KAT7: variants seen among roughly 807,000 people sequenced by gnomAD.
KAT7 encodes the protein lysine acetyltransferase 7.
In KAT7, 10 loss-of-function variants were observed where a neutral mutation model predicts 82.1. The observed-to-expected ratio is 0.12, with a 90% CI of 0.08 to 0.21. The LOEUF (loss-of-function observed/expected upper bound fraction) is 0.21, where lower values mean the gene tolerates loss of function less well. KAT7 is among the 10% of genes least tolerant of loss of function. KAT7 has a pLI of 1.00. For synonymous variants in KAT7, 250 were observed against 262.5 expected, an observed-to-expected ratio of 0.95 and a Z score of 0.46; for missense variants, 378 against 760.9, an observed-to-expected ratio of 0.50 and a Z score of 5.92.
At chr17:49,819,570 G>A (rs2074276663) in intron 9 of KAT7, among the ~76,000 whole-genome samples, 1 of 152,124 alleles carries the variant, frequency 6.6e-6, no homozygotes, top group Non-Finnish European at 1.5e-5. Flanking sequence ...GTAATAGAAG[G>A]AGAAAACAAA....
intron 9 of KAT7, among the ~76,000 whole-genome samples, chr17:49,818,946 C>T (rs2074268335): frequency 6.6e-6 from 1 of 152,128 alleles, no homozygotes; most frequent in African/African-American, 2.4e-5. Flanking sequence ...ACCATATTGA[C>T]CAGGATGGTC....
At chr17:49,810,298 C>A (rs572142611) in intron 6 of KAT7, among the ~76,000 whole-genome samples, 1 of 151,920 alleles carries the variant, frequency 6.6e-6, no homozygotes, top group South Asian at 2.1e-4. Flanking sequence ...CTCTTTTTGC[C>A]CCGGCTGGAG....
At chr17:49,792,136 T>C (rs2073898241) in intron 2 of KAT7, 103 bp downstream of exon 2, 2 of 1,079,074 alleles carry the variant, frequency 1.9e-6, no homozygotes. Context: ...TGGCTTGGTG[T>C]AGATGACAGT....
intron 7 of KAT7, among the ~76,000 whole-genome samples, chr17:49,813,383 A>AT (rs1156713804): frequency 1.3e-5 from 2 of 151,476 alleles, no homozygotes; most frequent in Non-Finnish European, 2.9e-5. Flanking sequence ...GCTCTTTTAG[A>AT]TTTTTTTCTG....
chr17:49,826,904 G>T, intron 14 of KAT7, 105 bp downstream of exon 14: 2 of 679,054 alleles, frequency 2.9e-6, no homozygotes, highest in South Asian at 3.6e-5. Context: ...AAGGAGTTGG[G>T]CTACACGCCC....
intron 2 of KAT7, 79 bp downstream of exon 2, chr17:49,792,112 G>A: frequency 7.8e-6 from 11 of 1,418,678 alleles, no homozygotes; most frequent in Non-Finnish European, 1.1e-5. Flanking sequence ...TAGTTAATGT[G>A]GAAACTGGCC....
intron 8 of KAT7, among the ~76,000 whole-genome samples, chr17:49,816,210 G>A (rs1246150020): frequency 2.0e-5 from 3 of 152,026 alleles, no homozygotes; most frequent in African/African-American, 7.3e-5. Flanking sequence ...GTCTCAGCTG[G>A]GCAATTTGCA....
At chr17:49,805,772 T>G (rs2143901913) in intron 5 of KAT7, among the ~76,000 whole-genome samples, 1 of 152,338 alleles carries the variant, frequency 6.6e-6, no homozygotes, top group South Asian at 2.1e-4. Flanking sequence ...AAGGAATAAC[T>G]TGCATAAATA....
intron 7 of KAT7, 136 bp from the exon 8 acceptor site, chr17:49,815,667 A>C (rs943456689): frequency 5.0e-6 from 3 of 595,030 alleles, no homozygotes; most frequent in Non-Finnish European, 9.0e-6. Context: ...TCTTGTGCTC[A>C]ATCCCTAGCA....
In KAT7 at chr17:49,832,615, A is replaced by ACAAC. The variant is rs1456225565; in HGVS notation, c.*5115_*5118dup. The stretch of plus-strand genomic sequence containing the variant: ...GAGACAGCAGGAATCCTTTTACCAT[A>ACAAC]CAACCCTCAACTAGTTTAGTGTGCT... On this transcript the variant is annotated 3_prime_UTR_variant, in exon 15 of 15. Transcript: ENST00000259021. The ACAAC allele has an allele frequency of 6.6e-6, 1 of 152,224 alleles. No homozygotes were observed. The highest frequency in any genetic ancestry group is 6.5e-5 in the Admixed American group (1 of 15,276). 9.4% of individuals were successfully genotyped at this position (152,224 alleles called of 1,614,324 possible).
intron 7 of KAT7, among the ~76,000 whole-genome samples, chr17:49,811,782 T>A (rs2074168850): frequency 6.6e-6 from 1 of 152,210 alleles, no homozygotes; most frequent in Non-Finnish European, 1.5e-5. Context: ...GAAAATGAAA[T>A]ACAATTAGAA....
chr17:49,815,072 A>G (rs975085573), intron 7 of KAT7: 1 of 152,212 alleles, frequency 6.6e-6, no homozygotes, highest in African/African-American at 2.4e-5. Context: ...AGTGACTGCC[A>G]TGGTAAGATT....
chr17:49,827,289 A>T lies in KAT7; in HGVS notation c.1735-112A>T, dbSNP rs559347677. The T allele has an allele frequency of 4.4e-6, 3 of 683,224 alleles. No homozygotes were observed. In the South Asian group the frequency reaches 5.1e-5, roughly 12 times the overall value. The allele number at this position is 683,224 out of a possible 1,614,324, so 42.3% of individuals were successfully genotyped here. ...ATATAGTATTTTTTTTGATACCCTAATATGTTGTTAAACCTTTGGCAATTC... is the reference window on the plus strand; with the variant it reads ...ATATAGTATTTTTTTTGATACCCTATTATGTTGTTAAACCTTTGGCAATTC... On this transcript the variant is annotated intron_variant, in intron 14 of 14. Transcript: ENST00000259021.
rs2074227091 is a variant in KAT7 at position 49,815,862 on chromosome 17, G to C, written c.912G>C (p.Glu304Asp). ...CTCTTTTAGAAAACCTGACAAGCGAGTATGACTTGGATCTTTTCCGAAGAG... is the reference window on the plus strand; with the variant it reads ...CTCTTTTAGAAAACCTGACAAGCGACTATGACTTGGATCTTTTCCGAAGAG... Reference protein sequence around the residue: ...REPLLENLTSEYDLDLFRRAQ... With the variant: ...REPLLENLTSDYDLDLFRRAQ... The change falls in exon 8 of 15, where the codon GAG (glutamate) becomes GAC (aspartate). Residue 304 changes from glutamate to aspartate, a missense_variant. Glu to Asp is a conservative substitution (Grantham distance 45). This residue lies in a region of KAT7 where 102 missense variants were observed against 129.8 expected (regional missense o/e 0.79). Coordinates refer to ENST00000259021, the MANE Select transcript of KAT7 (RefSeq NM_007067.5). 2.5e-6 allele frequency: 4 copies of C among 1,613,946 alleles called. No homozygotes were observed. Among genetic ancestry groups the C allele is most frequent in the East Asian group, 4.5e-5 (2 of 44,884 alleles).
At position 49,832,687 on chromosome 17, in the gene KAT7, G is replaced by A. The variant is rs2074434007; in HGVS notation, c.*5185G>A. 1 of 152,222 alleles carries A rather than the reference G, an allele frequency of 6.6e-6. No individual in the cohort carries two copies. The highest frequency in any genetic ancestry group is 2.4e-5 in the African/African-American group (1 of 41,440). 9.4% of individuals were successfully genotyped at this position (152,222 alleles called of 1,614,324 possible). ...ATCAAGTGAAAAGAATGGCAGCAGGGAGAAGGCCTGGCTCACTGAGGCTCT... is the reference window on the plus strand; with the variant it reads ...ATCAAGTGAAAAGAATGGCAGCAGGAAGAAGGCCTGGCTCACTGAGGCTCT... On this transcript the variant is annotated 3_prime_UTR_variant, in exon 15 of 15. Transcript: ENST00000259021.
chr17:49,814,606 T>G (rs1185743822), intron 7 of KAT7, among the ~76,000 whole-genome samples: 2 of 152,202 alleles, frequency 1.3e-5, no homozygotes, highest in Admixed American at 6.5e-5. Context: ...GTAAAAGTTC[T>G]TGAAATTTTT....
intron 2 of KAT7, among the ~76,000 whole-genome samples, chr17:49,792,919 C>G (rs905278788): frequency 2.0e-5 from 3 of 152,090 alleles, no homozygotes; most frequent in African/African-American, 7.2e-5. Context: ...TCAAGTGATC[C>G]TCCCACCTCA....
At chr17:49,807,357 A>T (rs1204427221) in intron 5 of KAT7, among the ~76,000 whole-genome samples, 1 of 152,220 alleles carries the variant, frequency 6.6e-6, no homozygotes, top group African/African-American at 2.4e-5. Context: ...TGGGACGTGA[A>T]TGATGGCAAA....
At chr17:49,827,197 T>C in intron 14 of KAT7, 1 of 551,406 alleles carries the variant, frequency 1.8e-6, no homozygotes, top group South Asian at 2.7e-5. Context: ...TGAGCGATGA[T>C]TTTCATTTCT....
Sources: gnomAD v4.1 joint callset for allele counts (sites outside exome capture counted in the v4.1 genomes callset) on GRCh38, gnomAD v4.1.1 for gene constraint, gnomAD v4.1.1 regional missense constraint, MANE v1.5 for transcripts, NCBI Gene and HGNC (gene_info 2026-07-23, HGNC 2026-07-21) for gene names.